The following HAVCR2 variants were observed in gnomAD, a reference collection of about 807,000 sequenced individuals.
HAVCR2 encodes hepatitis A virus cellular receptor 2.
Under a neutral mutation model 24.7 loss-of-function variants are expected in HAVCR2, and 13 were observed. The observed-to-expected ratio is 0.53, with a 90% CI of 0.34 to 0.84. The LOEUF is 0.84. Among genes scored for constraint, HAVCR2 ranks in the 40% least tolerant of loss-of-function variants. The probability of loss-of-function intolerance (pLI) is 0.01; values close to 1 mark genes in which losing one functional copy is unlikely to be tolerated. For missense variants in HAVCR2, 343 were observed against 371.2 expected, an observed-to-expected ratio of 0.92 and a Z score of 0.62; for synonymous variants, 154 against 143.4, an observed-to-expected ratio of 1.07 and a Z score of -0.53.
intron 2 of HAVCR2, 75 bp from the exon 3 acceptor site, chr5:157,104,824 C>G (rs939279021): frequency 2.3e-5 from 25 of 1,073,026 alleles, no homozygotes; most frequent in African/African-American, 3.2e-5. Context: ...AAAGGGGCAG[C>G]AAGAAAAAAA....
intron 3 of HAVCR2, among the ~76,000 whole-genome samples, chr5:157,103,819 A>G (rs986822804): frequency 6.6e-6 from 1 of 152,258 alleles, no homozygotes; most frequent in Non-Finnish European, 1.5e-5. Flanking sequence ...TATCAAGAAC[A>G]GCTGAAATTA....
intron 1 of HAVCR2, among the ~76,000 whole-genome samples, chr5:157,107,576 A>G (rs1757271008): frequency 6.6e-6 from 1 of 152,214 alleles, no homozygotes; most frequent in East Asian, 1.9e-4. Flanking sequence ...GGGACCCCAA[A>G]CTCATTCAGT....
chr5:157,094,676 C>T (rs969576748), intron 5 of HAVCR2, among the ~76,000 whole-genome samples: 2 of 151,638 alleles, frequency 1.3e-5, no homozygotes, highest in African/African-American at 4.8e-5. Flanking sequence ...AGCCACTGCG[C>T]CGGGCCTGTT....
intron 2 of HAVCR2, among the ~76,000 whole-genome samples, chr5:157,105,888 T>G (rs1036986458): frequency 5.9e-5 from 9 of 151,962 alleles, no homozygotes; most frequent in African/African-American, 2.2e-4. Flanking sequence ...CTTCTGCTTT[T>G]TAAGAGATAG....
chr5:157,095,290 A>G lies in HAVCR2; in HGVS notation c.676+16T>C, dbSNP rs941723566. 1 of 1,611,988 alleles carries G rather than the reference A, an allele frequency of 6.2e-7. No homozygotes were observed. The highest frequency in any genetic ancestry group is 8.5e-7 in the Non-Finnish European group (1 of 1,179,204). On this transcript the variant is annotated intron_variant, in intron 5 of 6. Transcript: ENST00000307851. ...AGAATTTGTTATCAGAGGGAGAGAG[A>G]AACAAAAACACTTACATTTGAAAAT...
chr5:157,106,880 G>C lies in HAVCR2; in HGVS notation c.141C>G (p.Asn47Lys). 6.2e-7 allele frequency: 1 copy of C among 1,614,220 alleles called. No homozygotes were observed. The highest frequency in any genetic ancestry group is 8.5e-7 in the Non-Finnish European group (1 of 1,180,040). ...PCFYTPAAPG[N>K]LVPVCWGKGA... ...CTTTGCCCCAGCAGACGGGCACGAGGTTCCCTGGGGCGGCTGGGGTGTAGA... is the reference window on the plus strand; with the variant it reads ...CTTTGCCCCAGCAGACGGGCACGAGCTTCCCTGGGGCGGCTGGGGTGTAGA... The change falls in exon 2 of 7, where the codon AAC becomes AAG. Residue 47 changes from asparagine to lysine, a missense_variant. Physicochemically the swap from Asn to Lys is moderately conservative, Grantham distance 94. Coordinates refer to ENST00000307851, the MANE Select transcript of HAVCR2 (RefSeq NM_032782.5).
Position 157,106,968 on chromosome 5 carries a change from T to C in HAVCR2, c.59-6A>G, listed in dbSNP as rs1191925018. ...GTATTCCACTTCTGAGGACCCTGCA[T>C]AGAGAGAGAAGGAGAGCCAAGACTC... On this transcript the variant is annotated splice_polypyrimidine_tract_variant and splice_region_variant and intron_variant, in intron 1 of 6. Coordinates refer to ENST00000307851, the MANE Select transcript of HAVCR2 (RefSeq NM_032782.5). The C allele has an allele frequency of 1.9e-6, 3 of 1,602,074 alleles. No individual in the cohort carries two copies. Among genetic ancestry groups the C allele is most frequent in the African/African-American group, 1.3e-5 (1 of 74,542 alleles).
At chr5:157,100,269 C>G (rs1440299135) in intron 3 of HAVCR2, among the ~76,000 whole-genome samples, 1 of 152,182 alleles carries the variant, frequency 6.6e-6, no homozygotes. Context: ...CATGACTTAG[C>G]AAATGACAAA....
intron 1 of HAVCR2, 57 bp from the exon 2 acceptor site, chr5:157,107,019 T>G: frequency 7.2e-7 from 1 of 1,392,066 alleles, no homozygotes. Flanking sequence ...TTACTCCATT[T>G]CAGGAAAACT....
chr5:157,099,894 C>T (rs1757145219), intron 3 of HAVCR2, among the ~76,000 whole-genome samples: 1 of 152,166 alleles, frequency 6.6e-6, no homozygotes, highest in Admixed American at 6.5e-5. Context: ...CGGGGTTTCG[C>T]CATGTTGGCC....
In HAVCR2 at chr5:157,106,981, A is replaced by C. The variant is rs761395948; in HGVS notation, c.59-19T>G. ...GAGGACCCTGCATAGAGAGAGAAGG[A>C]GAGCCAAGACTCAAGCGGTGAGTGA... On this transcript the variant is annotated intron_variant, in intron 1 of 6. Transcript: ENST00000307851. 1 of 1,590,106 alleles carries C rather than the reference A, an allele frequency of 6.3e-7. No individual in the cohort carries two copies. The highest frequency in any genetic ancestry group is 8.6e-7 in the Non-Finnish European group (1 of 1,165,174).
At chr5:157,093,982 T>C (rs1757054416) in intron 5 of HAVCR2, among the ~76,000 whole-genome samples, 1 of 152,016 alleles carries the variant, frequency 6.6e-6, no homozygotes, top group African/African-American at 2.4e-5. Context: ...TAGATCTTGA[T>C]TGTGATGATG....
chr5:157,096,947 CACACACACACACACACATAT>C (rs1429254376), intron 4 of HAVCR2, among the ~76,000 whole-genome samples: 5 of 150,448 alleles, frequency 3.3e-5, no homozygotes, highest in African/African-American at 1.2e-4. Context: ...CACACACACA[CACACACACACACACACATAT>C]AATTATAAGC....
chr5:157,092,913 A>AAAAAATAAAAAT (rs1561619880), intron 5 of HAVCR2, among the ~76,000 whole-genome samples: 1 of 122,972 alleles, frequency 8.1e-6, no homozygotes, highest in African/African-American at 3.1e-5. Context: ...AAAAAAAAAA[A>AAAAAATAAAAAT]AAAAACTAGC....
Position 157,106,646 on chromosome 5 carries a change from C to T in HAVCR2, c.375G>A (p.Leu125=), listed in dbSNP as rs149663751. ...ACTCACCTGGTTTGATGACCAACTT[C>T]AGGTTAAATTTTTCATCATTCATTA... ...PGIMNDEKFN[L]KLVIKPAKVT... is the part of the protein sequence containing the mutation. Residue 125 remains leucine, a synonymous_variant, in exon 2 of 7, where the codon CTG becomes CTA. Coordinates refer to ENST00000307851, the MANE Select transcript of HAVCR2 (RefSeq NM_032782.5). 11 of 1,613,980 alleles carry T rather than the reference C, an allele frequency of 6.8e-6. No individual in the cohort carries two copies. Among genetic ancestry groups the T allele is most frequent in the Non-Finnish European group, 8.5e-6 (10 of 1,179,972 alleles).
chr5:157,095,770 T>C (rs1331814257), intron 4 of HAVCR2, among the ~76,000 whole-genome samples: 1 of 150,582 alleles, frequency 6.6e-6, no homozygotes, highest in South Asian at 2.1e-4. Flanking sequence ...CCTGCAAAAA[T>C]TGGCTTTAGA....
rs998309739 is a variant in HAVCR2, at chr5:157,086,592, G to A, written c.*510C>T. On this transcript the variant is annotated 3_prime_UTR_variant, in exon 7 of 7. Coordinates refer to ENST00000307851, the MANE Select transcript of HAVCR2 (RefSeq NM_032782.5). ...GAACCCAGGAGGCGGAGCTTGCAGT[G>A]AGCCGAGATTGTGCCATTGCACTCC... is the stretch of plus-strand genomic sequence containing the variant. 6.5e-6 allele frequency: 1 copy of A among 153,230 alleles called. No homozygotes were observed. Among genetic ancestry groups the A allele is most frequent in the African/African-American group, 2.4e-5 (1 of 41,474 alleles). The allele number at this position is 153,230 out of a possible 1,614,324, so 9.5% of individuals were successfully genotyped here. A position where few individuals can be genotyped will look rare whatever the true frequency, so the allele number is the denominator to read the frequency against.
Position 157,106,688 on chromosome 5 carries a change from C to A in HAVCR2, c.333G>T (p.Arg111=). ...CATTCATTATGCCTGGGATTTGGAT[C>A]CGGCAGCAGTAGATCCCACTGTCTG... ...TLADSGIYCC[R]IQIPGIMNDE... is the part of the protein sequence containing the mutation. Residue 111 remains arginine, a synonymous_variant, in exon 2 of 7, where the codon CGG becomes CGT. Coordinates refer to ENST00000307851, the MANE Select transcript of HAVCR2 (RefSeq NM_032782.5). 7.4e-6 allele frequency: 12 copies of A among 1,614,188 alleles called. No individual in the cohort carries two copies. The highest frequency in any genetic ancestry group is 1.0e-5 in the Non-Finnish European group (12 of 1,180,036).
Position 157,087,218 on chromosome 5 carries a change from T to A in HAVCR2, c.790A>T (p.Ile264Phe). Reference protein sequence around the residue: ...VAEGIRSEENIYTIEENVYEV... With the variant: ...VAEGIRSEENFYTIEENVYEV... The stretch of plus-strand genomic sequence containing the variant: ...TATACGTTCTCTTCAATGGTATAGA[T>A]GTTTTCTTCTGAGCGAATTCCCTCT... Residue 264 changes from isoleucine (I) to phenylalanine (F), a missense_variant, in exon 7 of 7, where the codon ATC (isoleucine) becomes TTC (phenylalanine). Physicochemically the swap from Ile to Phe is conservative, Grantham distance 21. Transcript: ENST00000307851. The A allele has an allele frequency of 6.2e-7, 1 of 1,613,996 alleles. No individual in the cohort carries two copies. Among genetic ancestry groups the A allele is most frequent in the Non-Finnish European group, 8.5e-7 (1 of 1,180,008 alleles).
Sources: allele counts gnomAD v4.1 joint callset (sites outside exome capture counted in the v4.1 genomes callset), GRCh38; gene constraint gnomAD v4.1.1; transcripts MANE v1.5; gene names NCBI Gene and HGNC (gene_info 2026-07-23, HGNC 2026-07-21).